AHSA1: variants seen among roughly 807,000 people sequenced by gnomAD.
AHSA1 encodes the protein activator of HSP90 ATPase activity 1.
In AHSA1, 14 loss-of-function variants were observed where a neutral mutation model predicts 46.1. The observed-to-expected ratio is 0.30, with a 90% CI of 0.20 to 0.47. The LOEUF (loss-of-function observed/expected upper bound fraction) is 0.47. AHSA1 is among the 20% of genes least tolerant of loss of function. The pLI is 0.99. For missense variants in AHSA1, 333 were observed against 415.9 expected, an observed-to-expected ratio of 0.80 and a Z score of 1.73; for synonymous variants, 147 against 145.8, an observed-to-expected ratio of 1.01 and a Z score of -0.06.
chr14:77,462,355 C>A, intron 3 of AHSA1, 113 bp downstream of exon 3: 1 of 1,033,522 alleles, frequency 9.7e-7, no homozygotes, highest in Non-Finnish European at 1.4e-6. Context: ...GCATTCAGAA[C>A]CCTAGCCTGC....
In AHSA1 at chr14:77,468,075, C is replaced by G; in HGVS notation, c.691-8C>G. 27 of 399,646 alleles carry G rather than the reference C, an allele frequency of 6.8e-5. No homozygotes were observed. The highest frequency in any genetic ancestry group is 9.4e-5 in the Non-Finnish European group (26 of 276,182). 24.8% of individuals were successfully genotyped at this position (399,646 alleles called of 1,614,324 possible). A position where few individuals can be genotyped will look rare whatever the true frequency, so the allele number is the denominator to read the frequency against. On this transcript the variant is annotated splice_region_variant and splice_polypyrimidine_tract_variant and intron_variant, in intron 6 of 8. Transcript: ENST00000216479. ...TCTTTTTTTTTTTTTTTTTTTTTTT[C>G]CCTGCAGCTGGTGCAGGCCTTTACC...
chr14:77,468,643 GCCTTAA>G (rs1304474013), intron 8 of AHSA1, 135 bp downstream of exon 8: 3 of 784,686 alleles, frequency 3.8e-6, no homozygotes, highest in Non-Finnish European at 6.2e-6. Flanking sequence ...GCAAACTGCA[GCCTTAA>G]CCTCCCAGAC....
At position 77,458,109 on chromosome 14, in the gene AHSA1, T is replaced by C; in HGVS notation, c.-81T>C. 7.7e-7 allele frequency: 1 copy of C among 1,299,988 alleles called. No individual in the cohort carries two copies. The highest frequency in any genetic ancestry group is 1.0e-6 in the Non-Finnish European group (1 of 982,202). The allele number at this position is 1,299,988 out of a possible 1,614,324, so 80.5% of individuals were successfully genotyped here. ...GCCGCTTCTAGTAGTTTCCAGGCGC[T>C]GCCGGGCGGCTGGCACTAAGCGGTC... On this transcript the variant is annotated 5_prime_UTR_variant, in exon 1 of 9. Coordinates refer to ENST00000216479, the MANE Select transcript of AHSA1 (RefSeq NM_012111.3).
At position 77,464,639 on chromosome 14, in the gene AHSA1, T is replaced by C; in HGVS notation, c.514T>C (p.Ser172Pro). The change falls in exon 5 of 9, where the codon TCA becomes CCA. Residue 172 changes from serine to proline, a missense_variant. Transcript: ENST00000216479. ...GMILPTMNGE[S>P]VDPVGQPALK... ...GATCTTACCTACAATGAATGGAGAGTCAGTAGACCCAGTGGGGCAGCCAGC... is the reference window on the plus strand; with the variant it reads ...GATCTTACCTACAATGAATGGAGAGCCAGTAGACCCAGTGGGGCAGCCAGC... The C allele has an allele frequency of 6.2e-7, 1 of 1,613,884 alleles. No homozygotes were observed. Among genetic ancestry groups the C allele is most frequent in the Non-Finnish European group, 8.5e-7 (1 of 1,179,984 alleles).
chr14:77,469,053 C>G (rs748618822), intron 8 of AHSA1, 24 bp from the exon 9 acceptor site: 1 of 1,612,234 alleles, frequency 6.2e-7, no homozygotes, highest in South Asian at 1.1e-5. Flanking sequence ...GATATGAAAC[C>G]TCCGTCCCCT....
chr14:77,464,504 G>A, intron 4 of AHSA1, 94 bp from the exon 5 acceptor site: 1 of 1,081,774 alleles, frequency 9.2e-7, no homozygotes, highest in Non-Finnish European at 1.4e-6. Flanking sequence ...ACCTCATTCT[G>A]TGGTAGGATG....
intron 2 of AHSA1, among the ~76,000 whole-genome samples, chr14:77,461,464 AG>A (rs1345728342): frequency 2.0e-5 from 3 of 152,152 alleles, no homozygotes; most frequent in Non-Finnish European, 4.4e-5. Flanking sequence ...TGGGAGGTGG[AG>A]GTTGCAATGA....
chr14:77,468,264 G>C, intron 7 of AHSA1, 80 bp downstream of exon 7: 1 of 1,151,652 alleles, frequency 8.7e-7, no homozygotes, highest in Non-Finnish European at 1.2e-6. Flanking sequence ...AACTCTATAG[G>C]TAAAATGTAA....
chr14:77,462,520 T>A (rs1366177992), intron 3 of AHSA1, 122 bp from the exon 4 acceptor site: 1 of 923,440 alleles, frequency 1.1e-6, no homozygotes, highest in East Asian at 2.4e-5. Context: ...ATTGTACGAA[T>A]ACCGCAGTAC....
chr14:77,465,802 G>T, intron 6 of AHSA1, 135 bp downstream of exon 6: 1 of 847,344 alleles, frequency 1.2e-6, no homozygotes, highest in Non-Finnish European at 1.7e-6. Flanking sequence ...CTTCATCAAA[G>T]TGAATTTTTC....
In AHSA1 at chr14:77,462,210, T is replaced by A. The variant is rs148674865; in HGVS notation, c.322T>A (p.Leu108Met). ...CAAAGGACATGTGGAGATCCCCAAT[T>A]TGTCTGATGAAAACAGCGTGGATGA... ...QYKGHVEIPN[L>M]SDENSVDEVE... Residue 108 changes from leucine (L) to methionine (M), a missense_variant, in exon 3 of 9, where the codon TTG (leucine) becomes ATG (methionine). Transcript: ENST00000216479. The A allele has an allele frequency of 6.8e-6, 11 of 1,613,738 alleles. No homozygotes were observed. In the African/African-American group the frequency reaches 1.3e-4, roughly 20 times the overall value.
rs1258278278 is a variant in AHSA1 at position 77,462,623 on chromosome 14, C to A, written c.355-19C>A. On this transcript the variant is annotated intron_variant, in intron 3 of 8. Coordinates refer to ENST00000216479, the MANE Select transcript of AHSA1 (RefSeq NM_012111.3). ...TGCCCCTCAAGTTATTTACCACCTACTTCTCATCTTTCACCCAGATTAGTG... is the reference window on the plus strand; with the variant it reads ...TGCCCCTCAAGTTATTTACCACCTAATTCTCATCTTTCACCCAGATTAGTG... The A allele has an allele frequency of 6.2e-7, 1 of 1,611,450 alleles. No homozygotes were observed. The highest frequency in any genetic ancestry group is 1.3e-5 in the African/African-American group (1 of 75,014).
intron 5 of AHSA1, 128 bp downstream of exon 5, chr14:77,464,814 GCTTTT>G: frequency 1.3e-6 from 1 of 756,936 alleles, no homozygotes; most frequent in Admixed American, 3.2e-5. Flanking sequence ...TGCTCATGGT[GCTTTT>G]TCAGAGCGCC....
At position 77,465,523 on chromosome 14, in the gene AHSA1, A is replaced by G. The variant is rs2079044177; in HGVS notation, c.562-16A>G. On this transcript the variant is annotated splice_polypyrimidine_tract_variant and intron_variant, in intron 5 of 8. Coordinates refer to ENST00000216479, the MANE Select transcript of AHSA1 (RefSeq NM_012111.3). ...TCATTACTCTGTATTGATCATTTTC[A>G]CTGCCACCTTCACAGGCTAAGCCTG... 1 of 1,612,858 alleles carries G rather than the reference A, an allele frequency of 6.2e-7. No individual in the cohort carries two copies.
intron 8 of AHSA1, 83 bp from the exon 9 acceptor site, chr14:77,468,994 C>T: frequency 6.6e-7 from 1 of 1,522,770 alleles, no homozygotes; most frequent in Non-Finnish European, 9.0e-7. Flanking sequence ...AGGTGTGAGC[C>T]ACCACGCCCA....
At chr14:77,467,368 C>A (rs894295533) in intron 6 of AHSA1, among the ~76,000 whole-genome samples, 1 of 152,006 alleles carries the variant, frequency 6.6e-6, no homozygotes, top group South Asian at 2.1e-4. Flanking sequence ...CACTGCACTT[C>A]GGCCTGGGCA....
chr14:77,465,798 C>A, intron 6 of AHSA1, 131 bp downstream of exon 6: 4 of 884,704 alleles, frequency 4.5e-6, no homozygotes, highest in Non-Finnish European at 6.4e-6. Flanking sequence ...AGGCCTTCAT[C>A]AAAGTGAATT....
At chr14:77,462,328 GC>G in intron 3 of AHSA1, 86 bp downstream of exon 3, 1 of 1,349,482 alleles carries the variant, frequency 7.4e-7, no homozygotes, top group Non-Finnish European at 1.0e-6. Context: ...AGGATTCATA[GC>G]CCAGGCTTGG....
chr14:77,459,025 T>G (rs1476274509), intron 1 of AHSA1, among the ~76,000 whole-genome samples: 2 of 152,220 alleles, frequency 1.3e-5, no homozygotes, highest in African/African-American at 4.8e-5. Flanking sequence ...ATAGTGATGT[T>G]TCTTTTCCAT....
Sources: gnomAD v4.1 joint callset for allele counts (sites outside exome capture counted in the v4.1 genomes callset) on GRCh38, gnomAD v4.1.1 for gene constraint, MANE v1.5 for transcripts, NCBI Gene and HGNC (gene_info 2026-07-23, HGNC 2026-07-21) for gene names.